Variants in KLF7 observed in about 807,000 individuals in gnomAD.
The protein encoded by KLF7 is KLF transcription factor 7, also known as Krueppel-like factor 7.
KLF7 carries 2 observed loss-of-function variants against 27.3 expected under a neutral mutation model. The ratio of observed to expected loss-of-function variants is 0.07; its 90% CI spans 0.03 to 0.23. KLF7 has a LOEUF of 0.23. Among genes scored for constraint, KLF7 ranks in the 10% least tolerant of loss-of-function variants. The probability of loss-of-function intolerance (pLI) is 1.00; values close to 1 mark genes in which losing one functional copy is unlikely to be tolerated. For synonymous variants in KLF7, 165 were observed against 162.4 expected (o/e 1.02, Z -0.12); for missense variants, 221 against 394.1 (o/e 0.56, Z 3.72).
chr2:207,085,345 T>C (rs1298963159), intron 3 of KLF7, among the ~76,000 whole-genome samples: 1 of 152,070 alleles, frequency 6.6e-6, no homozygotes, highest in Non-Finnish European at 1.5e-5. Context: ...TGGAATGTAC[T>C]ATGCTAGTAG....
chr2:207,112,196 T>A (rs1242375813), intron 2 of KLF7, among the ~76,000 whole-genome samples: 1 of 150,176 alleles, frequency 6.7e-6, no homozygotes, highest in Non-Finnish European at 1.5e-5. Context: ...TAACAACTGG[T>A]CCTTTTAACA....
In KLF7 at chr2:207,076,597, G is replaced by A. The variant is rs192766472; in HGVS notation, c.*4616C>T. 4.6e-5 allele frequency: 7 copies of A among 152,234 alleles called. No homozygotes were observed. The highest frequency in any genetic ancestry group is 7.4e-5 in the Non-Finnish European group (5 of 68,022). The allele number at this position is 152,234 out of a possible 1,614,324, so 9.4% of individuals were successfully genotyped here. On this transcript the variant is annotated 3_prime_UTR_variant, in exon 4 of 4. Coordinates refer to ENST00000309446, the MANE Select transcript of KLF7 (RefSeq NM_003709.4). ...AAGCCTCAGGCAGTTCGTCGTGGGA[G>A]GTCACGTTATTTACAAGAAGTTTCT...
intron 1 of KLF7, among the ~76,000 whole-genome samples, chr2:207,163,457 G>A (rs1421959329): frequency 6.6e-6 from 1 of 152,166 alleles, no homozygotes; most frequent in Admixed American, 6.5e-5. Context: ...GGCTTCTTAG[G>A]AAACAATAGA....
In KLF7 at chr2:207,165,611, AAC is replaced by A. The variant is rs761695087; in HGVS notation, c.-45_-44del. 1 of 1,612,144 alleles carries A rather than the reference AAC, an allele frequency of 6.2e-7. No individual in the cohort carries two copies. The highest frequency in any genetic ancestry group is 8.5e-7 in the Non-Finnish European group (1 of 1,179,928). On this transcript the variant is annotated 5_prime_UTR_variant, in exon 1 of 4. Transcript: ENST00000309446. The stretch of plus-strand genomic sequence containing the variant: ...AAACGGGAGGCGAAACCCTCCCCCG[AAC>A]ACAGTTGGGGCTGTTTGTTTGTCAG...
At chr2:207,091,515 A>G (rs2076511964) in intron 2 of KLF7, among the ~76,000 whole-genome samples, 1 of 152,202 alleles carries the variant, frequency 6.6e-6, no homozygotes, top group Admixed American at 6.5e-5. Context: ...ATAGTGATTT[A>G]TCAAGCTATT....
intron 2 of KLF7, among the ~76,000 whole-genome samples, chr2:207,111,373 G>C (rs143987263): frequency 3.3e-4 from 51 of 152,302 alleles, no homozygotes; most frequent in Non-Finnish European, 6.2e-4. Context: ...TTGAGCACAG[G>C]GTGTCCAGCT....
At chr2:207,091,528 T>G (rs1033730368) in intron 2 of KLF7, among the ~76,000 whole-genome samples, 1 of 152,222 alleles carries the variant, frequency 6.6e-6, no homozygotes, top group Non-Finnish European at 1.5e-5. Flanking sequence ...AAGCTATTTT[T>G]CCACCATCTG....
At chr2:207,143,287 A>G (rs1200693763) in intron 1 of KLF7, among the ~76,000 whole-genome samples, 1 of 152,136 alleles carries the variant, frequency 6.6e-6, no homozygotes, top group African/African-American at 2.4e-5. Flanking sequence ...ATCATCAAAT[A>G]AAAGAAACGT....
intron 1 of KLF7, chr2:207,133,959 A>T: frequency 1.3e-6 from 1 of 773,852 alleles, no homozygotes; most frequent in Non-Finnish European, 2.0e-6. Context: ...ACAAGGCATT[A>T]TTAATCCTGT....
intron 1 of KLF7, among the ~76,000 whole-genome samples, chr2:207,161,868 A>G (rs1434201884): frequency 6.6e-6 from 1 of 152,202 alleles, no homozygotes; most frequent in Non-Finnish European, 1.5e-5. Flanking sequence ...TGTTTCCAGT[A>G]GCAGTGGAAA....
intron 1 of KLF7, among the ~76,000 whole-genome samples, chr2:207,163,516 T>C (rs2078609815): frequency 6.6e-6 from 1 of 152,238 alleles, no homozygotes; most frequent in South Asian, 2.1e-4. Context: ...TTTGCAGATC[T>C]AGAGTTTGTC....
At chr2:207,144,326 C>T (rs902876691) in intron 1 of KLF7, among the ~76,000 whole-genome samples, 13 of 152,214 alleles carry the variant, frequency 8.5e-5, no homozygotes, top group African/African-American at 2.7e-4. Flanking sequence ...GATGCTCCTT[C>T]ATCTGCAGTC....
upstream of KLF7, chr2:207,167,286 A>G (rs1263764588): frequency 1.9e-5 from 12 of 638,820 alleles, no homozygotes; most frequent in South Asian, 3.9e-4. Context: ...GGGTTGGCCA[A>G]TTGTTTGCTT....
intron 1 of KLF7, among the ~76,000 whole-genome samples, chr2:207,152,272 TACACACACACAC>T (rs67380335): frequency 1.0e-4 from 15 of 150,574 alleles, no homozygotes; most frequent in African/African-American, 2.9e-4. Flanking sequence ...ATGTTTTTCT[TACACACACACAC>T]ACACACACAC....
chr2:207,112,514 C>T (rs1418790369), intron 2 of KLF7, among the ~76,000 whole-genome samples: 1 of 152,214 alleles, frequency 6.6e-6, no homozygotes, highest in African/African-American at 2.4e-5. Context: ...AAACCAGTAA[C>T]AGCCATTAGT....
At chr2:207,139,399 G>A (rs2077877584) in intron 1 of KLF7, among the ~76,000 whole-genome samples, 1 of 152,004 alleles carries the variant, frequency 6.6e-6, no homozygotes, top group African/African-American at 2.4e-5. Flanking sequence ...ACCTAACTTA[G>A]TAAAGAAAAC....
intron 1 of KLF7, among the ~76,000 whole-genome samples, chr2:207,148,789 A>G (rs768802954): frequency 1.7e-4 from 26 of 152,074 alleles, no homozygotes; most frequent in Non-Finnish European, 2.9e-5. Context: ...AGTGCCTTAT[A>G]CTGTGCCTTC....
intron 1 of KLF7, among the ~76,000 whole-genome samples, chr2:207,156,710 G>T (rs2078392410): frequency 1.3e-5 from 2 of 152,188 alleles, no homozygotes; most frequent in Admixed American, 1.3e-4. Flanking sequence ...GTGAGGGAAA[G>T]CAAAGCAAGA....
At chr2:207,154,348 T>A (rs1005346887) in intron 1 of KLF7, among the ~76,000 whole-genome samples, 3 of 152,174 alleles carry the variant, frequency 2.0e-5, no homozygotes, top group African/African-American at 7.2e-5. Context: ...ACGTAAGTCA[T>A]AAGTCAGACT....
Sources: gnomAD v4.1 joint callset for allele counts (sites outside exome capture counted in the v4.1 genomes callset) on GRCh38, gnomAD v4.1.1 for gene constraint, MANE v1.5 for transcripts, NCBI Gene and HGNC (gene_info 2026-07-23, HGNC 2026-07-21) for gene names.